FMN2: variants seen among roughly 807,000 people sequenced by gnomAD.
FMN2 encodes the protein formin 2, also known as formin-2.
A neutral mutation model predicts 142.3 loss-of-function variants in FMN2; 51 were observed. The ratio of observed to expected loss-of-function variants is 0.36; its 90% CI spans 0.29 to 0.45. The LOEUF is 0.45. Among genes scored for constraint, FMN2 ranks in the 20% least tolerant of loss-of-function variants. The pLI is 1.00. For missense variants in FMN2, 1,936 were observed against 2,122.8 expected (o/e 0.91, Z 1.73); for synonymous variants, 882 against 869.8 (o/e 1.01, Z -0.25).
intron 8 of FMN2, among the ~76,000 whole-genome samples, chr1:240,317,317 G>GA (rs1670822334): frequency 2.2e-4 from 28 of 130,124 alleles, no homozygotes; most frequent in African/African-American, 7.1e-4. Context: ...AAAAGAAAAA[G>GA]AAAAGAAAGA....
At chr1:240,224,430 C>A (rs537350426) in intron 6 of FMN2, among the ~76,000 whole-genome samples, 1 of 132,396 alleles carries the variant, frequency 7.6e-6, no homozygotes, top group Non-Finnish European at 1.6e-5. Context: ...AGAATAAGTG[C>A]GATGTGGTGC....
chr1:240,151,431 G>A lies in FMN2; in HGVS notation c.1783-26490G>A, dbSNP rs557811948. Among the ~76,000 whole-genome samples the A allele has an allele frequency of 1.8e-3, 281 of 152,070 alleles. 3 individuals are homozygous for A. Among genetic ancestry groups the A allele is most frequent in the African/African-American group, 6.3e-3 (262 of 41,500 alleles). ...TCTTTCTGTGAAAAGAGACCCAACA[G>A]GCAGCTTTCATATATGTGCTACTTC... On this transcript the variant is annotated intron_variant, in intron 2 of 17. Coordinates refer to ENST00000319653, the MANE Select transcript of FMN2 (RefSeq NM_020066.5).
chr1:240,135,490 A>G (rs1470070188), intron 2 of FMN2, among the ~76,000 whole-genome samples: 1 of 152,148 alleles, frequency 6.6e-6, no homozygotes, highest in Non-Finnish European at 1.5e-5. Flanking sequence ...TGCACTTGTT[A>G]TATGGTTTGA....
intron 16 of FMN2, among the ~76,000 whole-genome samples, chr1:240,439,279 A>AAAAAAAAAAAAAAAAGAAAG (rs555074808): frequency 8.0e-6 from 1 of 124,724 alleles, no homozygotes. Flanking sequence ...TCAAAAAAAA[A>AAAAAAAAAAAAAAAAGAAAG]AAAGAAAGAA....
intron 7 of FMN2, among the ~76,000 whole-genome samples, chr1:240,265,679 C>G (rs1214145026): frequency 6.6e-6 from 1 of 152,116 alleles, no homozygotes. Flanking sequence ...TGAATCTCAG[C>G]TCTGCCACTG....
At chr1:240,123,003 A>T (rs1408084890) in intron 1 of FMN2, among the ~76,000 whole-genome samples, 176 bp from the exon 2 acceptor site, 1 of 152,046 alleles carries the variant, frequency 6.6e-6, no homozygotes, top group African/African-American at 2.4e-5. Flanking sequence ...TTATGTGGTA[A>T]CTCTGGCCTC....
intron 2 of FMN2, among the ~76,000 whole-genome samples, chr1:240,157,670 T>C (rs1664078247): frequency 6.6e-6 from 1 of 152,164 alleles, no homozygotes; most frequent in Non-Finnish European, 1.5e-5. Flanking sequence ...TGGTACTATT[T>C]ATGGAACACT....
At chr1:240,462,387 C>T (rs1676475825) in intron 16 of FMN2, among the ~76,000 whole-genome samples, 1 of 152,066 alleles carries the variant, frequency 6.6e-6, no homozygotes, top group African/African-American at 2.4e-5. Context: ...TTCATTCAAA[C>T]TAAATTGTTA....
chr1:240,417,046 A>T (rs1674600297), intron 15 of FMN2, among the ~76,000 whole-genome samples: 1 of 149,678 alleles, frequency 6.7e-6, no homozygotes. Flanking sequence ...TTATGTGTAT[A>T]TTCGTTGTGT....
At chr1:240,095,925 A>G (rs376203350) in intron 1 of FMN2, among the ~76,000 whole-genome samples, 1 of 152,126 alleles carries the variant, frequency 6.6e-6, no homozygotes, top group East Asian at 1.9e-4. Flanking sequence ...TTTTATAAGG[A>G]CATCACCTAT....
intron 2 of FMN2, chr1:240,143,739 A>G (rs1663296992): frequency 5.2e-6 from 8 of 1,535,448 alleles, no homozygotes; most frequent in Admixed American, 1.7e-5. Flanking sequence ...CCTTGAGCTC[A>G]GTACTTCTCC....
intron 4 of FMN2, among the ~76,000 whole-genome samples, chr1:240,206,097 T>A (rs1666342736): frequency 6.6e-6 from 1 of 151,726 alleles, no homozygotes; most frequent in Admixed American, 6.6e-5. Flanking sequence ...AGAGATGCAG[T>A]CTTGCTATGT....
At chr1:240,171,409 C>T (rs1410223309) in intron 2 of FMN2, 1 of 487,868 alleles carries the variant, frequency 2.0e-6, no homozygotes. Flanking sequence ...GTGTGATGTG[C>T]GTCATTCATG....
At chr1:240,236,894 T>C (rs1667730744) in intron 6 of FMN2, among the ~76,000 whole-genome samples, 1 of 152,194 alleles carries the variant, frequency 6.6e-6, no homozygotes. Context: ...AATTAAACTC[T>C]TCCAGGGATT....
At chr1:240,355,722 C>T in intron 13 of FMN2, 94 bp from the exon 14 acceptor site, 1 of 792,736 alleles carries the variant, frequency 1.3e-6, no homozygotes, top group East Asian at 2.7e-5. Flanking sequence ...GGGGAGTTAA[C>T]AGAATTTTCT....
intron 1 of FMN2, among the ~76,000 whole-genome samples, chr1:240,095,634 A>G (rs1166102887): frequency 6.6e-6 from 1 of 152,060 alleles, no homozygotes; most frequent in African/African-American, 2.4e-5. Flanking sequence ...GCAGTGGCTT[A>G]TCTGCTTGGT....
chr1:240,112,140 T>C (rs1445259388), intron 1 of FMN2, among the ~76,000 whole-genome samples: 2 of 151,584 alleles, frequency 1.3e-5, no homozygotes, highest in Admixed American at 6.6e-5. Context: ...ATTTTCTTTT[T>C]TTTTTTTTTT....
At chr1:240,217,661 A>ATTTT (rs149514236) in intron 6 of FMN2, among the ~76,000 whole-genome samples, 1 of 149,928 alleles carries the variant, frequency 6.7e-6, no homozygotes, top group Non-Finnish European at 1.5e-5. Context: ...TGAAAGATTT[A>ATTTT]TTTTTTTTTT....
chr1:240,459,846 A>G lies in FMN2; in HGVS notation c.5061-12526A>G, dbSNP rs1676389951. 2.0e-5 allele frequency among the ~76,000 whole-genome samples: 3 copies of G among 151,502 alleles called. No individual in the cohort carries two copies. The South Asian group carries it at 6.3e-4, about 32-fold the overall frequency. On this transcript the variant is annotated intron_variant, in intron 16 of 17. Transcript: ENST00000319653. ...TTAGATCACCAAAAACCTACATGGC[A>G]TACTTGAAGTGTTTGTAAGCATTAC...
Sources: allele counts gnomAD v4.1 joint callset (sites outside exome capture counted in the v4.1 genomes callset), GRCh38; gene constraint gnomAD v4.1.1; transcripts MANE v1.5; gene names NCBI Gene and HGNC (gene_info 2026-07-23, HGNC 2026-07-21).